CACNA1A: variants seen among roughly 807,000 people sequenced by gnomAD.
CACNA1A encodes the protein voltage-dependent P/Q-type calcium channel subunit alpha-1A.
In CACNA1A, 57 loss-of-function variants were observed where a neutral mutation model predicts 262.4. That is an observed-to-expected ratio of 0.22 (90% CI 0.18 to 0.27). The LOEUF is 0.27. Among genes scored for constraint, CACNA1A ranks in the 10% least tolerant of loss-of-function variants. CACNA1A has a pLI of 1.00. For missense variants in CACNA1A, 2,526 were observed against 3,562.8 expected (o/e 0.71, Z 7.41); for synonymous variants, 1,431 against 1,419.3 (o/e 1.01, Z -0.18).
chr19:13,447,037 C>T (rs1194723245), intron 3 of CACNA1A, among the ~76,000 whole-genome samples: 2 of 152,140 alleles, frequency 1.3e-5, no homozygotes, highest in Middle Eastern at 3.4e-3. Flanking sequence ...GGATAACTGA[C>T]TACCAGAGAA....
chr19:13,415,175 TTGG>T (rs1240487509), intron 3 of CACNA1A, among the ~76,000 whole-genome samples: 2 of 150,160 alleles, frequency 1.3e-5, no homozygotes, highest in Admixed American at 6.6e-5. Flanking sequence ...AGGGCAGGAT[TTGG>T]GGGATGGAAG....
At chr19:13,243,710 C>A (rs1439033976) in intron 31 of CACNA1A, 1 of 152,208 alleles carries the variant, frequency 6.6e-6, no homozygotes, top group Admixed American at 6.6e-5. Context: ...GCATGCACCA[C>A]CACACCTGGC....
At chr19:13,287,223 T>TGCCTGTA (rs1475507071) in intron 19 of CACNA1A, among the ~76,000 whole-genome samples, 1 of 152,084 alleles carries the variant, frequency 6.6e-6, no homozygotes, top group African/African-American at 2.4e-5. Context: ...TGGCGCTGTG[T>TGCCTGTA]GCCTGTAGTT....
At chr19:13,377,134 G>C (rs2059433958) in intron 3 of CACNA1A, among the ~76,000 whole-genome samples, 1 of 151,528 alleles carries the variant, frequency 6.6e-6, no homozygotes, top group East Asian at 1.9e-4. Flanking sequence ...TAATTTTTTT[G>C]TATTTTTAGT....
intron 38 of CACNA1A, among the ~76,000 whole-genome samples, chr19:13,220,989 C>G (rs1221636994): frequency 6.6e-6 from 1 of 151,450 alleles, no homozygotes; most frequent in Non-Finnish European, 1.5e-5. Context: ...TCCACCCCTC[C>G]AGTCCCCCAC....
At chr19:13,216,700 ATCTATCTATCG>A (rs1460918679) in intron 38 of CACNA1A, among the ~76,000 whole-genome samples, 14 of 98,870 alleles carry the variant, frequency 1.4e-4, no homozygotes, top group Admixed American at 3.4e-4. Context: ...TCTATCTATC[ATCTATCTATCG>A]ATCGACAGGG....
intron 31 of CACNA1A, among the ~76,000 whole-genome samples, chr19:13,238,617 A>G (rs1299440521): frequency 1.4e-5 from 2 of 141,822 alleles, no homozygotes; most frequent in African/African-American, 5.3e-5. Context: ...AGAGAGTCTC[A>G]CTCTGTTGCC....
intron 1 of CACNA1A, among the ~76,000 whole-genome samples, chr19:13,490,368 G>C (rs1980611196): frequency 6.6e-6 from 1 of 152,180 alleles, no homozygotes; most frequent in South Asian, 2.1e-4. Flanking sequence ...ACTTTGGGAG[G>C]CTGAGGCAGG....
chr19:13,457,070 TGA>T lies in CACNA1A; in HGVS notation c.294-1860_294-1859del, dbSNP rs139034687. On this transcript the variant is annotated intron_variant, in intron 1 of 46. Coordinates refer to ENST00000360228, the MANE Select transcript of CACNA1A (RefSeq NM_001127222.2). The stretch of plus-strand genomic sequence containing the variant: ...TCCGAGACCAGCCTAGGCAACAAAC[TGA>T]GACTCTATCTCTACAAAAAATATGA... Among the ~76,000 whole-genome samples the T allele has an allele frequency of 9.2e-3, 1,392 of 151,992 alleles. 19 individuals are homozygous for T. The highest frequency in any genetic ancestry group is 0.032 in the African/African-American group (1,331 of 41,442).
At chr19:13,322,864 G>A (rs1413065400) in intron 10 of CACNA1A, among the ~76,000 whole-genome samples, 1 of 152,178 alleles carries the variant, frequency 6.6e-6, no homozygotes, top group African/African-American at 2.4e-5. Context: ...CCCTAATTAA[G>A]TTTGATCTCA....
intron 19 of CACNA1A, among the ~76,000 whole-genome samples, chr19:13,289,112 C>G (rs1203751582): frequency 1.3e-5 from 2 of 149,742 alleles, no homozygotes; most frequent in Non-Finnish European, 3.0e-5. Context: ...AGAAGACAGG[C>G]TGACCTGGGT....
intron 25 of CACNA1A, 102 bp from the exon 26 acceptor site, chr19:13,261,712 T>C (rs1181941819): frequency 8.6e-7 from 1 of 1,159,774 alleles, no homozygotes; most frequent in African/African-American, 1.5e-5. Flanking sequence ...ATCATTCCCA[T>C]TTTACAGGCA....
At chr19:13,484,476 G>C (rs1979739749) in intron 1 of CACNA1A, among the ~76,000 whole-genome samples, 1 of 152,098 alleles carries the variant, frequency 6.6e-6, no homozygotes, top group Non-Finnish European at 1.5e-5. Context: ...AGGGGAGAGA[G>C]GGGAAAAATC....
At chr19:13,408,937 T>C (rs1409151916) in intron 3 of CACNA1A, among the ~76,000 whole-genome samples, 4 of 152,194 alleles carry the variant, frequency 2.6e-5, no homozygotes, top group Non-Finnish European at 4.4e-5. Flanking sequence ...TCATGAGCTC[T>C]ATTAAAATGT....
At chr19:13,475,909 G>T (rs2145057152) in intron 1 of CACNA1A, among the ~76,000 whole-genome samples, 1 of 152,332 alleles carries the variant, frequency 6.6e-6, no homozygotes, top group East Asian at 1.9e-4. Context: ...TAGGGAAAAA[G>T]TGGGGGAGTT....
chr19:13,382,668 C>G (rs1002060974), intron 3 of CACNA1A, among the ~76,000 whole-genome samples: 22 of 152,116 alleles, frequency 1.4e-4, no homozygotes, highest in African/African-American at 5.1e-4. Flanking sequence ...ACAAGCCTGA[C>G]AGCTGAAAGG....
chr19:13,307,200 T>G (rs555680055), intron 15 of CACNA1A: 1 of 152,300 alleles, frequency 6.6e-6, no homozygotes. Context: ...TGGCCTCAAG[T>G]AGTCCTCCCA....
intron 38 of CACNA1A, among the ~76,000 whole-genome samples, chr19:13,223,354 G>T (rs2055307494): frequency 6.6e-6 from 1 of 151,946 alleles, no homozygotes; most frequent in Non-Finnish European, 1.5e-5. Context: ...CACCACGTCT[G>T]GCTAAATTTT....
intron 3 of CACNA1A, among the ~76,000 whole-genome samples, chr19:13,425,162 C>T (rs561924965): frequency 8.2e-4 from 125 of 152,204 alleles, no homozygotes; most frequent in Non-Finnish European, 1.6e-3. Context: ...TTGCTGAAAA[C>T]GATGACAAAT....
Sources: allele counts gnomAD v4.1 joint callset (sites outside exome capture counted in the v4.1 genomes callset), GRCh38; gene constraint gnomAD v4.1.1; transcripts MANE v1.5; gene names NCBI Gene and HGNC (gene_info 2026-07-23, HGNC 2026-07-21).